The following SLC35C1 variants were observed in gnomAD, a reference collection of about 807,000 sequenced individuals.
The protein encoded by SLC35C1 is GDP-fucose transporter 1.
In SLC35C1, 8 loss-of-function variants were observed where a neutral mutation model predicts 23.2. The ratio of observed to expected loss-of-function variants is 0.35; its 90% CI spans 0.20 to 0.62. SLC35C1 has a LOEUF of 0.62. Among genes scored for constraint, SLC35C1 ranks in the 20% least tolerant of loss-of-function variants. The pLI is 0.75. For missense variants in SLC35C1, 422 were observed against 478.6 expected, an observed-to-expected ratio of 0.88 and a Z score of 1.10; for synonymous variants, 226 against 225.1, an observed-to-expected ratio of 1.00 and a Z score of -0.04.
In SLC35C1 at chr11:45,812,057, C is replaced by A; in HGVS notation, c.*722C>A. 1 of 165,946 alleles carries A rather than the reference C, an allele frequency of 6.0e-6. No homozygotes were observed. Among genetic ancestry groups the A allele is most frequent in the East Asian group, 1.5e-4 (1 of 6,458 alleles). The allele number at this position is 165,946 out of a possible 1,614,324, so 10.3% of individuals were successfully genotyped here. A position where few individuals can be genotyped will look rare whatever the true frequency, so the allele number is the denominator to read the frequency against. On this transcript the variant is annotated 3_prime_UTR_variant, in exon 2 of 2. Transcript: ENST00000314134. ...GGGTCATTAACATCCTCCCCCAGTC[C>A]CTAACATCACATTGTCCTGCGTGGC... is the stretch of plus-strand genomic sequence containing the variant.
At position 45,810,190 on chromosome 11, in the gene SLC35C1, A is replaced by G. The variant is rs1435356114; in HGVS notation, c.536-586A>G. On this transcript the variant is annotated intron_variant, in intron 1 of 1. Coordinates refer to ENST00000314134, the MANE Select transcript of SLC35C1 (RefSeq NM_018389.5). ...AGCCACGGAAGCTCTTTGAGCAGGA[A>G]GTGACACAAGATGAGAGTCTCAGAG... 5 of 985,314 alleles carry G rather than the reference A, an allele frequency of 5.1e-6. No individual in the cohort carries two copies. The East Asian group carries it at 5.7e-4, about 112-fold the overall frequency. 61.0% of individuals were successfully genotyped at this position (985,314 alleles called of 1,614,324 possible).
Position 45,805,192 on chromosome 11 carries a change from C to G in SLC35C1, c.-610C>G. The G allele has an allele frequency of 4.0e-6, 4 of 991,964 alleles. No individual in the cohort carries two copies. Among genetic ancestry groups the G allele is most frequent in the Non-Finnish European group, 4.8e-6 (4 of 833,430 alleles). The allele number at this position is 991,964 out of a possible 1,614,324, so 61.4% of individuals were successfully genotyped here. On this transcript the variant is annotated 5_prime_UTR_variant, in exon 1 of 2. Coordinates refer to ENST00000314134, the MANE Select transcript of SLC35C1 (RefSeq NM_018389.5). The stretch of plus-strand genomic sequence containing the variant: ...CCTGGGCTGAGCCGGCGACAGAGCC[C>G]GGGAAGGCAGCGAGACGTGGGCGCC...
intron 1 of SLC35C1, among the ~76,000 whole-genome samples, chr11:45,808,890 CTA>C: frequency 6.6e-6 from 1 of 152,294 alleles, no homozygotes; most frequent in Middle Eastern, 3.4e-3. Flanking sequence ...GTAATCCCAG[CTA>C]CTCAAGAGGC....
In SLC35C1 at chr11:45,805,498, A is replaced by T; in HGVS notation, c.-304A>T. 7.8e-7 allele frequency: 1 copy of T among 1,277,798 alleles called. No individual in the cohort carries two copies. Among genetic ancestry groups the T allele is most frequent in the African/African-American group, 1.6e-5 (1 of 63,088 alleles). The allele number at this position is 1,277,798 out of a possible 1,614,324, so 79.2% of individuals were successfully genotyped here. ...CTGCGACCCCTCCCTGTTAGGCCCC[A>T]GCCTCTTCTCCCCTCACAGGTCTTC... On this transcript the variant is annotated 5_prime_UTR_variant, in exon 1 of 2. Transcript: ENST00000314134.
In SLC35C1 at chr11:45,805,328, T is replaced by TG; in HGVS notation, c.-474_-473insG. ...TCCGGCAGCTCCCTGTACGCCTCCC[T>TG]CCCCCTGCCCGCCCCTCCCTCCCAC... is the stretch of plus-strand genomic sequence containing the variant. On this transcript the variant is annotated 5_prime_UTR_variant, in exon 1 of 2. Transcript: ENST00000314134. The TG allele has an allele frequency of 1.9e-5, 14 of 726,784 alleles. No individual in the cohort carries two copies. The highest frequency in any genetic ancestry group is 5.8e-5 in the African/African-American group (2 of 34,640). 45.0% of individuals were successfully genotyped at this position (726,784 alleles called of 1,614,324 possible).
Position 45,811,003 on chromosome 11 carries a change from C to T in SLC35C1, c.763C>T (p.Leu255=). 2 of 1,612,934 alleles carry T rather than the reference C, an allele frequency of 1.2e-6. No individual in the cohort carries two copies. The highest frequency in any genetic ancestry group is 2.2e-5 in the South Asian group (2 of 91,092). Residue 255 remains leucine (L), a synonymous_variant, in exon 2 of 2, where the codon CTG becomes TTG. Transcript: ENST00000314134. ...CCTGCTGCTCGGGGAGCTTCAGGCC[C>T]TGCGTGACTTTGCCCAGCTGGGCAG... ...LLLLLGELQA[L]RDFAQLGSAH...
chr11:45,808,707 G>A (rs1223494693), intron 1 of SLC35C1, among the ~76,000 whole-genome samples: 1 of 151,510 alleles, frequency 6.6e-6, no homozygotes, highest in Non-Finnish European at 1.5e-5. Flanking sequence ...GAGGAGGGTC[G>A]GGCTCTGTGG....
In SLC35C1 at chr11:45,805,820, A is replaced by G. The variant is rs771361211; in HGVS notation, c.19A>G (p.Lys7Glu). 22 of 1,613,664 alleles carry G rather than the reference A, an allele frequency of 1.4e-5. No homozygotes were observed. The highest frequency in any genetic ancestry group is 4.0e-5 in the African/African-American group (3 of 74,920). Residue 7 changes from lysine to glutamate, a missense_variant, in exon 1 of 2, where the codon AAG (lysine) becomes GAG (glutamate). Physicochemically the swap from Lys to Glu is moderately conservative, Grantham distance 56. Coordinates refer to ENST00000314134, the MANE Select transcript of SLC35C1 (RefSeq NM_018389.5). MNRAPLKRSRILHMALT... is the reference protein window; with the variant it reads MNRAPLERSRILHMALT... ...TGCTACCATGAATAGGGCCCCTCTG[A>G]AGCGGTCCAGGATCCTGCACATGGC...
intron 1 of SLC35C1, among the ~76,000 whole-genome samples, chr11:45,808,655 C>T (rs2085903333): frequency 6.6e-6 from 1 of 152,158 alleles, no homozygotes; most frequent in Non-Finnish European, 1.5e-5. Context: ...CTACCCCCAG[C>T]AGGTCTGTGG....
At position 45,805,988 on chromosome 11, in the gene SLC35C1, C is replaced by T. The variant is rs1330781277; in HGVS notation, c.187C>T (p.Leu63=). The T allele has an allele frequency of 6.2e-7, 1 of 1,613,998 alleles. No homozygotes were observed. The highest frequency in any genetic ancestry group is 8.5e-7 in the Non-Finnish European group (1 of 1,180,032). ...CATGGTGTTCCTTAATAAGTACCTG[C>T]TGGACAGCCCCTCCCTGCGGCTGGA... ...ISMVFLNKYL[L]DSPSLRLDTP... Residue 63 remains leucine, a synonymous_variant, in exon 1 of 2, where the codon CTG becomes TTG. Coordinates refer to ENST00000314134, the MANE Select transcript of SLC35C1 (RefSeq NM_018389.5).
intron 1 of SLC35C1, chr11:45,809,942 G>A (rs1368674336): frequency 1.0e-6 from 1 of 985,038 alleles, no homozygotes; most frequent in Non-Finnish European, 1.2e-6. Context: ...GGGATTATCA[G>A]GAAAGGATTC....
chr11:45,805,225 C>G lies in SLC35C1; in HGVS notation c.-577C>G, dbSNP rs929973904. On this transcript the variant is annotated 5_prime_UTR_variant, in exon 1 of 2. Transcript: ENST00000314134. ...CAGCGAGACGTGGGCGCCGGCCCAGCCCCCTCCCGCGTCCTTCAGCCCCAA... is the reference window on the plus strand; with the variant it reads ...CAGCGAGACGTGGGCGCCGGCCCAGGCCCCTCCCGCGTCCTTCAGCCCCAA... 2.0e-6 allele frequency: 2 copies of G among 994,918 alleles called. No individual in the cohort carries two copies. The highest frequency in any genetic ancestry group is 2.4e-6 in the Non-Finnish European group (2 of 834,966). The allele number at this position is 994,918 out of a possible 1,614,324, so 61.6% of individuals were successfully genotyped here.
chr11:45,804,417 G>A, upstream of SLC35C1: 3 of 904,906 alleles, frequency 3.3e-6, no homozygotes, highest in Non-Finnish European at 4.0e-6. Flanking sequence ...GTGCACCGGA[G>A]GAGGTGAGCG....
rs112917705 is a variant in SLC35C1, at chr11:45,812,519, G to A, written c.*1184G>A. 3.9e-5 allele frequency: 18 copies of A among 455,780 alleles called. No individual in the cohort carries two copies. The highest frequency in any genetic ancestry group is 1.8e-4 in the African/African-American group (9 of 50,060). The allele number at this position is 455,780 out of a possible 1,614,324, so 28.2% of individuals were successfully genotyped here. ...CCAAGATCAAGAGGCCAGCAGATTC[G>A]GACTCCGCTGAGGGCTGTTTCCCGA... On this transcript the variant is annotated 3_prime_UTR_variant, in exon 2 of 2. Coordinates refer to ENST00000314134, the MANE Select transcript of SLC35C1 (RefSeq NM_018389.5).
chr11:45,806,585 T>A (rs552631477), intron 1 of SLC35C1, among the ~76,000 whole-genome samples: 1 of 152,202 alleles, frequency 6.6e-6, no homozygotes, highest in African/African-American at 2.4e-5. Context: ...GCAACTGACA[T>A]TTGTTGAGTG....
chr11:45,804,715 T>C (rs967315552), upstream of SLC35C1: 48 of 984,494 alleles, frequency 4.9e-5, no homozygotes, highest in Non-Finnish European at 5.7e-5. Flanking sequence ...GACCACAACA[T>C]TGTTATGGAA....
chr11:45,809,570 G>A (rs1280884394), intron 1 of SLC35C1, among the ~76,000 whole-genome samples: 1 of 152,174 alleles, frequency 6.6e-6, no homozygotes, highest in African/African-American at 2.4e-5. Context: ...GGCACAGCCT[G>A]GACCGATCTG....
chr11:45,811,108 T>G lies in SLC35C1; in HGVS notation c.868T>G (p.Phe290Val). The G allele has an allele frequency of 6.2e-7, 1 of 1,613,260 alleles. No individual in the cohort carries two copies. The highest frequency in any genetic ancestry group is 1.1e-5 in the South Asian group (1 of 91,086). ...IGYVTGLQIK[F>V]TSPLTHNVSG... ...CTACGTGACAGGACTGCAGATCAAG[T>G]TCACCAGTCCGCTGACCCACAATGT... Residue 290 changes from phenylalanine to valine, a missense_variant, in exon 2 of 2, where the codon TTC (phenylalanine) becomes GTC (valine). Coordinates refer to ENST00000314134, the MANE Select transcript of SLC35C1 (RefSeq NM_018389.5).
Position 45,805,833 on chromosome 11 carries a change from T to A in SLC35C1, c.32T>A (p.Ile11Asn). The A allele has an allele frequency of 6.2e-7, 1 of 1,613,974 alleles. No homozygotes were observed. Among genetic ancestry groups the A allele is most frequent in the Non-Finnish European group, 8.5e-7 (1 of 1,180,016 alleles). MNRAPLKRSR[I>N]LHMALTGASD... ...AGGGCCCCTCTGAAGCGGTCCAGGA[T>A]CCTGCACATGGCGCTGACCGGGGCC... is the stretch of plus-strand genomic sequence containing the variant. The change falls in exon 1 of 2, where the codon ATC becomes AAC. Residue 11 changes from isoleucine to asparagine, a missense_variant. Ile to Asn is a moderately radical substitution (Grantham distance 149, BLOSUM62 -3). Coordinates refer to ENST00000314134, the MANE Select transcript of SLC35C1 (RefSeq NM_018389.5).
Sources: gnomAD v4.1 joint callset for allele counts (sites outside exome capture counted in the v4.1 genomes callset) on GRCh38, gnomAD v4.1.1 for gene constraint, MANE v1.5 for transcripts, NCBI Gene and HGNC (gene_info 2026-07-23, HGNC 2026-07-21) for gene names.